Variants in CYP3A5 observed in about 807,000 individuals in gnomAD.
CYP3A5 encodes the protein cytochrome P450 3A5.
CYP3A5 carries 51 observed loss-of-function variants against 55.9 expected under a neutral mutation model. The ratio of observed to expected loss-of-function variants is 0.91; its 90% confidence interval spans 0.73 to 1.15. The LOEUF (loss-of-function observed/expected upper bound fraction) is 1.15, where lower values mean the gene tolerates loss of function less well. CYP3A5 is among the 50% of genes most tolerant of loss of function. The pLI is 0.00. For synonymous variants in CYP3A5, 196 were observed against 213.9 expected, an observed-to-expected ratio of 0.92 and a Z score of 0.73; for missense variants, 533 against 596.6, an observed-to-expected ratio of 0.89 and a Z score of 1.11.
chr7:99,675,668 C>T (rs1332077421), intron 2 of CYP3A5, among the ~76,000 whole-genome samples: 1 of 58,306 alleles, frequency 1.7e-5, no homozygotes, highest in Non-Finnish European at 3.5e-5. Context: ...CCTCCCCTCC[C>T]CTCTCCTTCC....
rs187049515 is a variant in CYP3A5 at position 99,655,428 on chromosome 7, A to G, written c.1027-2649T>C. Among the ~76,000 whole-genome samples the G allele has an allele frequency of 1.8e-4, 27 of 152,260 alleles. No homozygotes were observed. The East Asian group carries it at 4.6e-3, about 26-fold the overall frequency. ...CTTTCTCAGGGCTCTGTTCTGCTCC[A>G]TTGATCAATATCTCTGTTTTGGTAC... On this transcript the variant is annotated intron_variant, in intron 10 of 12. Transcript: ENST00000222982.
At chr7:99,660,432 A>G in intron 10 of CYP3A5, 67 bp downstream of exon 10, 3 of 1,511,164 alleles carry the variant, frequency 2.0e-6, no homozygotes. Context: ...TCTCCTGGGG[A>G]GTGGTGAGGA....
chr7:99,663,234 C>T (rs1810622424), intron 8 of CYP3A5: 1 of 1,056,368 alleles, frequency 9.5e-7, no homozygotes, highest in South Asian at 3.3e-5. Flanking sequence ...ATCTTTTATT[C>T]TTCTACCTTT....
chr7:99,648,865 C>T (rs28365076), intron 12 of CYP3A5, among the ~76,000 whole-genome samples: 2,576 of 152,180 alleles, frequency 0.017, 62 homozygotes, highest in African/African-American at 0.057. Context: ...GTCTAGTAAC[C>T]CTTCCCAGTT....
chr7:99,659,047 G>A (rs1348089115), intron 10 of CYP3A5: 1 of 152,216 alleles, frequency 6.6e-6, no homozygotes, highest in Non-Finnish European at 1.5e-5. Context: ...TTAGCTCGGA[G>A]TAGTTTGATC....
intron 10 of CYP3A5, among the ~76,000 whole-genome samples, chr7:99,656,832 T>G (rs1029027425): frequency 7.9e-5 from 12 of 152,320 alleles, no homozygotes; most frequent in South Asian, 4.1e-4. Context: ...GTCGAGGAAT[T>G]TATCCATTTC....
chr7:99,651,308 T>G (rs1255538349), intron 11 of CYP3A5, among the ~76,000 whole-genome samples: 2 of 152,220 alleles, frequency 1.3e-5, no homozygotes, highest in African/African-American at 4.8e-5. Context: ...TGGATTTATG[T>G]AAATCATATG....
rs1000811433 is a variant in CYP3A5, at chr7:99,653,887, G to T, written c.1027-1108C>A. ...AGTCAGATACCCTGGTTCCTAGCTT[G>T]GCTTCTTGGCCAGTGGCTACCTGAC... On this transcript the variant is annotated intron_variant, in intron 10 of 12. Coordinates refer to ENST00000222982, the MANE Select transcript of CYP3A5 (RefSeq NM_000777.5). The surrounding 1 kb of genome is among the most constrained non-coding windows in gnomAD (Gnocchi z 4.2). Among the ~76,000 whole-genome samples the T allele has an allele frequency of 6.6e-6, 1 of 152,196 alleles. No homozygotes were observed. The highest frequency in any genetic ancestry group is 2.1e-4 in the South Asian group (1 of 4,836).
chr7:99,666,686 A>T lies in CYP3A5; in HGVS notation c.436T>A (p.Phe146Ile). ...TFTSGKLKEM[F>I]PIIAQYGDVL... ...TCTCCATACTGGGCAATGATGGGGAACATCTAAGCACAAAACAGATCAGTA... is the reference window on the plus strand; with the variant it reads ...TCTCCATACTGGGCAATGATGGGGATCATCTAAGCACAAAACAGATCAGTA... The change falls in exon 6 of 13, where the codon TTC becomes ATC. Residue 146 changes from phenylalanine (F) to isoleucine (I), a missense_variant. Phe to Ile is a conservative substitution (Grantham distance 21). Coordinates refer to ENST00000222982, the MANE Select transcript of CYP3A5 (RefSeq NM_000777.5). The T allele has an allele frequency of 6.2e-7, 1 of 1,614,072 alleles. No homozygotes were observed. The highest frequency in any genetic ancestry group is 1.7e-5 in the Admixed American group (1 of 60,026).
In CYP3A5 at chr7:99,677,082, C is replaced by T. The variant is rs112057008; in HGVS notation, c.72-874G>A. ...AAGCAGTCAGTTCACTGCCTCTGTA[C>T]GTGAAGTATCTCTGAGGAAAAACCC... On this transcript the variant is annotated intron_variant, in intron 1 of 12. Coordinates refer to ENST00000222982, the MANE Select transcript of CYP3A5 (RefSeq NM_000777.5). The T allele has an allele frequency of 1.1e-3, 757 of 662,388 alleles. 7 individuals are homozygous for T. In the African/African-American group the frequency reaches 0.013, roughly 11 times the overall value. The allele number at this position is 662,388 out of a possible 1,614,324, so 41.0% of individuals were successfully genotyped here. A position where few individuals can be genotyped will look rare whatever the true frequency, so the allele number is the denominator to read the frequency against.
chr7:99,651,392 C>T (rs1242469520), intron 11 of CYP3A5, among the ~76,000 whole-genome samples: 2 of 152,138 alleles, frequency 1.3e-5, no homozygotes, highest in Non-Finnish European at 2.9e-5. Flanking sequence ...CAAGCACTAT[C>T]TTTTTGGTGA....
chr7:99,666,695 C>T lies in CYP3A5; in HGVS notation c.433-6G>A, dbSNP rs1196779314. 3 of 1,614,054 alleles carry T rather than the reference C, an allele frequency of 1.9e-6. No homozygotes were observed. In the Admixed American group the frequency reaches 5.0e-5, roughly 27 times the overall value. On this transcript the variant is annotated splice_region_variant and splice_polypyrimidine_tract_variant and intron_variant, in intron 5 of 12. Coordinates refer to ENST00000222982, the MANE Select transcript of CYP3A5 (RefSeq NM_000777.5). The stretch of plus-strand genomic sequence containing the variant: ...TGGGCAATGATGGGGAACATCTAAG[C>T]ACAAAACAGATCAGTACCTGTAGTT...
chr7:99,651,592 C>G (rs1300325700), intron 11 of CYP3A5, among the ~76,000 whole-genome samples: 1 of 152,170 alleles, frequency 6.6e-6, no homozygotes, highest in Non-Finnish European at 1.5e-5. Context: ...CTAGGGACAC[C>G]ATGACCAACA....
At chr7:99,654,083 G>T (rs1809459644) in intron 10 of CYP3A5, among the ~76,000 whole-genome samples, 1 of 146,400 alleles carries the variant, frequency 6.8e-6, no homozygotes, top group African/African-American at 2.7e-5. Context: ...TGAGGTTTTT[G>T]AATTTTTTTT....
intron 4 of CYP3A5, among the ~76,000 whole-genome samples, chr7:99,667,284 G>A (rs1811128178): frequency 6.6e-6 from 1 of 152,216 alleles, no homozygotes; most frequent in Non-Finnish European, 1.5e-5. Flanking sequence ...CAGCCATCTG[G>A]TGTGGTCTCC....
At chr7:99,676,831 G>A (rs371015741) in intron 1 of CYP3A5, among the ~76,000 whole-genome samples, 5 of 152,152 alleles carry the variant, frequency 3.3e-5, no homozygotes, top group Admixed American at 1.3e-4. Context: ...TGACAACTGT[G>A]TTCATGGCTT....
chr7:99,658,259 T>C (rs1809985656), intron 10 of CYP3A5, among the ~76,000 whole-genome samples: 1 of 152,218 alleles, frequency 6.6e-6, no homozygotes, highest in Non-Finnish European at 1.5e-5. Flanking sequence ...CTTCAAGAGC[T>C]CTTTTAGGGC....
At position 99,679,720 on chromosome 7, in the gene CYP3A5, T is replaced by C. The variant is rs558259875; in HGVS notation, c.71+106A>G. ...TGTAGCGTCCAACACTTCAGCTACT[T>C]CTCCTTGAACATCTCTTTTGATCTT... On this transcript the variant is annotated intron_variant, in intron 1 of 12. Coordinates refer to ENST00000222982, the MANE Select transcript of CYP3A5 (RefSeq NM_000777.5). The C allele has an allele frequency of 2.5e-5, 27 of 1,072,580 alleles. No individual in the cohort carries two copies. The African/African-American group carries it at 3.9e-4, about 16-fold the overall frequency. 66.4% of individuals were successfully genotyped at this position (1,072,580 alleles called of 1,614,324 possible).
In CYP3A5 at chr7:99,672,628, G is replaced by A. The variant is rs752082507; in HGVS notation, c.270C>T (p.Ile90=). 2 of 1,614,084 alleles carry A rather than the reference G, an allele frequency of 1.2e-6. No individual in the cohort carries two copies. The highest frequency in any genetic ancestry group is 1.1e-5 in the South Asian group (1 of 91,074). ...PVLAITDPDV[I]RTVLVKECYS... is the part of the protein sequence containing the mutation. ...AACATTCTTTCACTAGCACTGTTCTGATCACGTCGGGATCTGTGATGGCCA... is the reference window on the plus strand; with the variant it reads ...AACATTCTTTCACTAGCACTGTTCTAATCACGTCGGGATCTGTGATGGCCA... The change falls in exon 4 of 13, where the codon ATC becomes ATT. Residue 90 remains isoleucine, a synonymous_variant. Coordinates refer to ENST00000222982, the MANE Select transcript of CYP3A5 (RefSeq NM_000777.5).
Sources: allele counts gnomAD v4.1 joint callset (sites outside exome capture counted in the v4.1 genomes callset), GRCh38; gene constraint gnomAD v4.1.1; non-coding constraint Gnocchi (gnomAD v3.1); transcripts MANE v1.5; gene names NCBI Gene and HGNC (gene_info 2026-07-23, HGNC 2026-07-21).